PDE4B: variants seen among roughly 807,000 people sequenced by gnomAD.
PDE4B encodes the protein 3',5'-cyclic-AMP phosphodiesterase 4B.
A neutral mutation model predicts 82.2 loss-of-function variants in PDE4B; 20 were observed. That is an observed-to-expected ratio of 0.24 (90% CI 0.17 to 0.35). PDE4B has a LOEUF of 0.35. Ranked by LOEUF, PDE4B falls within the 10% of genes least tolerant of loss-of-function variation. PDE4B has a pLI of 1.00. For synonymous variants in PDE4B, 320 were observed against 318.9 expected (o/e 1.00, Z -0.04); for missense variants, 655 against 907.2 (o/e 0.72, Z 3.57).
intron 3 of PDE4B, among the ~76,000 whole-genome samples, chr1:66,071,983 T>G (rs1188699388): frequency 1.3e-5 from 2 of 152,052 alleles, no homozygotes; most frequent in Non-Finnish European, 2.9e-5. Flanking sequence ...GTCGCCTGTT[T>G]GTCAGTTTAG....
chr1:65,850,626 C>T (rs1452980644), intron 1 of PDE4B, among the ~76,000 whole-genome samples: 1 of 151,842 alleles, frequency 6.6e-6, no homozygotes, highest in South Asian at 2.1e-4. Flanking sequence ...GGTTTGTGTT[C>T]TTATAGCTGA....
intron 4 of PDE4B, among the ~76,000 whole-genome samples, chr1:66,254,692 C>T (rs887357181): frequency 3.3e-5 from 5 of 152,192 alleles, no homozygotes; most frequent in Non-Finnish European, 5.9e-5. Flanking sequence ...TTTCTACTCA[C>T]GGCTTCACTG....
intron 1 of PDE4B, among the ~76,000 whole-genome samples, chr1:65,853,517 A>G (rs1215923898): frequency 2.7e-5 from 4 of 148,604 alleles, no homozygotes; most frequent in Non-Finnish European, 5.9e-5. Context: ...TTATTAGCTT[A>G]TGCATTATAA....
At chr1:66,006,497 A>C (rs77874620) in intron 3 of PDE4B, among the ~76,000 whole-genome samples, 9,688 of 151,906 alleles carry the variant, frequency 0.064, 365 homozygotes, top group Middle Eastern at 0.2. Context: ...TGTAATTCCA[A>C]CCACTTGGGA....
intron 7 of PDE4B, among the ~76,000 whole-genome samples, chr1:66,269,373 C>T (rs562053994): frequency 4.1e-4 from 62 of 152,270 alleles, no homozygotes; most frequent in Middle Eastern, 3.4e-3. Flanking sequence ...AGGAGAAAGA[C>T]GCAGTAAATC....
intron 3 of PDE4B, among the ~76,000 whole-genome samples, chr1:66,102,415 G>A (rs185882344): frequency 6.6e-6 from 1 of 152,170 alleles, no homozygotes; most frequent in East Asian, 1.9e-4. Flanking sequence ...TATTATTCTA[G>A]CAGCACATGG....
chr1:66,367,715 G>A lies in PDE4B; in HGVS notation c.1404G>A (p.Met468Ile), dbSNP rs775428879. ...LINTNSELAL[M>I]YNDESVLENH... ...TATTAGATTCAGAACTTGCTTTGAT[G>A]TATAATGATGAATCTGTGTTGGAAA... is the stretch of plus-strand genomic sequence containing the variant. The change falls in exon 14 of 17, where the codon ATG becomes ATA. Residue 468 changes from methionine to isoleucine, a missense_variant. Coordinates refer to ENST00000341517, the MANE Select transcript of PDE4B (RefSeq NM_002600.4). The A allele has an allele frequency of 6.2e-7, 1 of 1,612,708 alleles. No individual in the cohort carries two copies. Among genetic ancestry groups the A allele is most frequent in the Non-Finnish European group, 8.5e-7 (1 of 1,179,348 alleles).
At chr1:65,996,478 G>A (rs1359561577) in intron 3 of PDE4B, among the ~76,000 whole-genome samples, 1 of 152,130 alleles carries the variant, frequency 6.6e-6, no homozygotes, top group East Asian at 1.9e-4. Flanking sequence ...GAGCACTGCT[G>A]TGAGCAAGAA....
At chr1:66,135,054 T>C (rs759479312) in intron 3 of PDE4B, among the ~76,000 whole-genome samples, 4 of 152,112 alleles carry the variant, frequency 2.6e-5, no homozygotes, top group Non-Finnish European at 4.4e-5. Flanking sequence ...TGGTATGAGG[T>C]AGATGAATGA....
chr1:66,205,073 T>C (rs1301039832), intron 3 of PDE4B, among the ~76,000 whole-genome samples: 2 of 152,228 alleles, frequency 1.3e-5, no homozygotes, highest in East Asian at 1.9e-4. Flanking sequence ...GCCTAAGTTT[T>C]AGAATTTATG....
chr1:65,862,408 C>T (rs573333954), intron 1 of PDE4B, among the ~76,000 whole-genome samples: 20 of 152,226 alleles, frequency 1.3e-4, no homozygotes, highest in African/African-American at 3.9e-4. Context: ...CTGACTTGAT[C>T]GTGGTAGATA....
At chr1:66,184,923 T>A (rs1456445805) in intron 3 of PDE4B, among the ~76,000 whole-genome samples, 1 of 152,112 alleles carries the variant, frequency 6.6e-6, no homozygotes, top group African/African-American at 2.4e-5. Context: ...TGTGCCATGT[T>A]GGTGTGCTGC....
At chr1:65,929,090 T>G (rs1647681956) in intron 3 of PDE4B, among the ~76,000 whole-genome samples, 1 of 152,150 alleles carries the variant, frequency 6.6e-6, no homozygotes, top group Non-Finnish European at 1.5e-5. Context: ...CTCTCAACCT[T>G]ACTTCTAGGG....
intron 1 of PDE4B, among the ~76,000 whole-genome samples, chr1:65,908,673 C>T (rs913383254): frequency 1.1e-4 from 17 of 152,000 alleles, no homozygotes; most frequent in African/African-American, 2.7e-4. Context: ...AGTAGACTAT[C>T]GGGCAAGGGG....
chr1:66,164,837 C>A (rs1188598696), intron 3 of PDE4B, among the ~76,000 whole-genome samples: 1 of 145,620 alleles, frequency 6.9e-6, no homozygotes, highest in Admixed American at 7.1e-5. Flanking sequence ...CAGCTTACTG[C>A]AAGCAAGCTC....
At chr1:66,020,069 A>G (rs1476023231) in intron 3 of PDE4B, among the ~76,000 whole-genome samples, 1 of 152,218 alleles carries the variant, frequency 6.6e-6, no homozygotes, top group African/African-American at 2.4e-5. Context: ...ATTGATACAT[A>G]TAGGCACAAT....
chr1:66,364,170 C>T (rs575485594), intron 12 of PDE4B, among the ~76,000 whole-genome samples: 27 of 152,214 alleles, frequency 1.8e-4, no homozygotes, highest in African/African-American at 5.3e-4. Context: ...ATATAGAGCA[C>T]TATATTCCAA....
At chr1:66,281,042 C>T (rs1656267549) in intron 7 of PDE4B, among the ~76,000 whole-genome samples, 1 of 152,154 alleles carries the variant, frequency 6.6e-6, no homozygotes, top group African/African-American at 2.4e-5. Context: ...GGTATCTATG[C>T]TTATGGACTG....
intron 1 of PDE4B, among the ~76,000 whole-genome samples, chr1:65,817,998 T>A (rs1307488454): frequency 6.6e-6 from 1 of 152,160 alleles, no homozygotes; most frequent in African/African-American, 2.4e-5. Flanking sequence ...TCTGCTCTAG[T>A]TGTCAAAAAA....
Sources: gnomAD v4.1 joint callset for allele counts (sites outside exome capture counted in the v4.1 genomes callset) on GRCh38, gnomAD v4.1.1 for gene constraint, MANE v1.5 for transcripts, NCBI Gene and HGNC (gene_info 2026-07-23, HGNC 2026-07-21) for gene names.